CSMD1: variants seen among roughly 807,000 people sequenced by gnomAD.
CSMD1 encodes CUB and Sushi multiple domains 1.
A neutral mutation model predicts 417.5 loss-of-function variants in CSMD1; 213 were observed. The ratio of observed to expected loss-of-function variants is 0.51; its 90% confidence interval spans 0.46 to 0.57. The LOEUF is 0.57. Ranked by LOEUF, CSMD1 falls within the 20% of genes least tolerant of loss-of-function variation. The probability of loss-of-function intolerance (pLI) is 0.00; values close to 1 mark genes in which losing one functional copy is unlikely to be tolerated. For missense variants in CSMD1, 6,923 were observed against 4,529.7 expected, an observed-to-expected ratio of 1.53 and a Z score of -15.17; for synonymous variants, 2,862 against 1,736.8, an observed-to-expected ratio of 1.65 and a Z score of -16.11.
chr8:3,081,904 G>C (rs1563318504), intron 49 of CSMD1, among the ~76,000 whole-genome samples: 1 of 152,186 alleles, frequency 6.6e-6, no homozygotes, highest in African/African-American at 2.4e-5. Context: ...ACTGGGGACA[G>C]CTTGCCCCGT....
chr8:4,019,809 CCTTT>C (rs1232986878), intron 4 of CSMD1, among the ~76,000 whole-genome samples: 1 of 151,968 alleles, frequency 6.6e-6, no homozygotes, highest in African/African-American at 2.4e-5. Flanking sequence ...GCCACACAGG[CCTTT>C]CTTTCACTAG....
At chr8:4,837,437 G>A (rs1040112488) in intron 1 of CSMD1, among the ~76,000 whole-genome samples, 1 of 152,158 alleles carries the variant, frequency 6.6e-6, no homozygotes, top group Non-Finnish European at 1.5e-5. Context: ...TCTATCATTT[G>A]CAACAACATG....
At chr8:4,627,616 T>G (rs1802195218) in intron 2 of CSMD1, among the ~76,000 whole-genome samples, 2 of 152,124 alleles carry the variant, frequency 1.3e-5, no homozygotes, top group Non-Finnish European at 2.9e-5. Flanking sequence ...GAAAACTCAC[T>G]TCCTTCCTGA....
At chr8:3,741,512 G>C (rs188240936) in intron 6 of CSMD1, among the ~76,000 whole-genome samples, 1 of 152,224 alleles carries the variant, frequency 6.6e-6, no homozygotes, top group Admixed American at 6.5e-5. Context: ...ATTTCCTTTT[G>C]TTTTACAGTT....
At chr8:4,383,860 A>T (rs1056046119) in intron 3 of CSMD1, among the ~76,000 whole-genome samples, 1 of 152,224 alleles carries the variant, frequency 6.6e-6, no homozygotes, top group Admixed American at 6.5e-5. Flanking sequence ...AATAAACAGA[A>T]TTTTAAAGAA....
At chr8:4,150,758 GC>G (rs75011568) in intron 3 of CSMD1, among the ~76,000 whole-genome samples, 2 of 152,260 alleles carry the variant, frequency 1.3e-5, no homozygotes, top group East Asian at 3.9e-4. Context: ...AAACCAACCT[GC>G]TTTATCTAAA....
At chr8:4,663,848 G>C (rs1045224690) in intron 1 of CSMD1, among the ~76,000 whole-genome samples, 9 of 152,194 alleles carry the variant, frequency 5.9e-5, no homozygotes, top group Non-Finnish European at 1.2e-4. Flanking sequence ...AGACACTTCA[G>C]ATTCTCACAA....
chr8:3,001,686 C>A (rs942605654), intron 52 of CSMD1, among the ~76,000 whole-genome samples: 2 of 152,076 alleles, frequency 1.3e-5, no homozygotes, highest in African/African-American at 2.4e-5. Context: ...CAATATTTAT[C>A]TTTGAAGTTA....
intron 11 of CSMD1, among the ~76,000 whole-genome samples, chr8:3,492,322 G>T (rs997453810): frequency 1.8e-4 from 28 of 152,232 alleles, no homozygotes; most frequent in African/African-American, 6.0e-4. Context: ...AGCCGCCCAT[G>T]GCTCCCCATG....
chr8:3,754,124 A>G, intron 5 of CSMD1, 82 bp from the exon 6 acceptor site: 2 of 804,694 alleles, frequency 2.5e-6, no homozygotes, highest in South Asian at 3.1e-5. Context: ...TTGAAATCCG[A>G]TTACTTAAAT....
At chr8:3,404,779 G>C (rs533176751) in intron 15 of CSMD1, among the ~76,000 whole-genome samples, 1 of 136,246 alleles carries the variant, frequency 7.3e-6, no homozygotes, top group South Asian at 2.5e-4. Context: ...ACATGTGCCT[G>C]CATCCTCTGT....
intron 5 of CSMD1, among the ~76,000 whole-genome samples, chr8:3,939,816 G>A (rs1387982565): frequency 6.6e-6 from 1 of 152,080 alleles, no homozygotes; most frequent in Admixed American, 6.6e-5. Flanking sequence ...TAAGTTATGA[G>A]GATGCGAAGG....
intron 5 of CSMD1, among the ~76,000 whole-genome samples, chr8:3,943,435 A>AC (rs1194343517): frequency 6.6e-6 from 1 of 151,348 alleles, no homozygotes; most frequent in Admixed American, 6.6e-5. Flanking sequence ...AAAAAAAAAA[A>AC]ACAGAATTCC....
At chr8:4,624,820 T>C (rs1347866814) in intron 2 of CSMD1, among the ~76,000 whole-genome samples, 5 of 152,104 alleles carry the variant, frequency 3.3e-5, no homozygotes, top group African/African-American at 1.2e-4. Context: ...CACACAGACC[T>C]CAGAGTCCAC....
At chr8:3,386,757 A>G (rs1262559525) in intron 18 of CSMD1, among the ~76,000 whole-genome samples, 2 of 152,154 alleles carry the variant, frequency 1.3e-5, no homozygotes, top group Non-Finnish European at 2.9e-5. Context: ...TGCAGAAACA[A>G]TGTTTCTTGG....
At chr8:3,705,368 C>T (rs957312391) in intron 7 of CSMD1, among the ~76,000 whole-genome samples, 6 of 152,184 alleles carry the variant, frequency 3.9e-5, no homozygotes, top group African/African-American at 1.4e-4. Flanking sequence ...TACCCTGGTG[C>T]TTCCCACGGG....
At chr8:4,556,176 T>A (rs1319625495) in intron 2 of CSMD1, among the ~76,000 whole-genome samples, 1 of 152,216 alleles carries the variant, frequency 6.6e-6, no homozygotes, top group Non-Finnish European at 1.5e-5. Context: ...TATTAATTCT[T>A]TTGAATTTAC....
At chr8:4,444,566 T>C (rs1185680550) in intron 2 of CSMD1, among the ~76,000 whole-genome samples, 1 of 151,938 alleles carries the variant, frequency 6.6e-6, no homozygotes, top group East Asian at 1.9e-4. Flanking sequence ...TTTCTAAGAA[T>C]TAAAGCAGCT....
chr8:3,850,274 T>C (rs1803806761), intron 5 of CSMD1, among the ~76,000 whole-genome samples: 1 of 152,184 alleles, frequency 6.6e-6, no homozygotes, highest in African/African-American at 2.4e-5. Flanking sequence ...AGAATCAATA[T>C]GTGCACAGTG....
Sources: allele counts gnomAD v4.1 joint callset (sites outside exome capture counted in the v4.1 genomes callset), GRCh38; gene constraint gnomAD v4.1.1; transcripts MANE v1.5; gene names NCBI Gene and HGNC (gene_info 2026-07-23, HGNC 2026-07-21).